DIAPH3: variants seen among roughly 807,000 people sequenced by gnomAD.
DIAPH3 encodes protein diaphanous homolog 3.
A neutral mutation model predicts 144.3 loss-of-function variants in DIAPH3; 117 were observed. That is an observed-to-expected ratio of 0.81 (90% confidence interval 0.70 to 0.95). The LOEUF (loss-of-function observed/expected upper bound fraction) is 0.95. Among genes scored for constraint, DIAPH3 ranks in the 40% least tolerant of loss-of-function variants. DIAPH3 has a pLI of 0.00. For synonymous variants in DIAPH3, 519 were observed against 488.9 expected (o/e 1.06, Z -0.81); for missense variants, 1,421 against 1,412.7 (o/e 1.01, Z -0.09).
intron 27 of DIAPH3, among the ~76,000 whole-genome samples, chr13:59,731,801 G>T (rs1236656658): frequency 5.9e-5 from 9 of 152,144 alleles, no homozygotes; most frequent in Admixed American, 5.9e-4. Context: ...GCTTTTCACA[G>T]CTGAAAAATG....
chr13:59,937,174 A>C (rs2048308222), intron 17 of DIAPH3, among the ~76,000 whole-genome samples: 1 of 152,024 alleles, frequency 6.6e-6, no homozygotes, highest in Non-Finnish European at 1.5e-5. Context: ...AAAAAAAAAA[A>C]ACATAATAAT....
At chr13:59,909,907 C>T (rs1229950827) in intron 20 of DIAPH3, among the ~76,000 whole-genome samples, 5 of 152,158 alleles carry the variant, frequency 3.3e-5, no homozygotes, top group African/African-American at 7.2e-5. Context: ...TAAATCAAAG[C>T]TCTTTGATGT....
At chr13:59,970,098 G>C in intron 16 of DIAPH3, 40 bp from the exon 17 acceptor site, 1 of 1,200,668 alleles carries the variant, frequency 8.3e-7, no homozygotes, top group Non-Finnish European at 1.2e-6. Context: ...ATAGGTGAGT[G>C]TTTCACCTGT....
intron 17 of DIAPH3, among the ~76,000 whole-genome samples, chr13:59,954,107 T>G (rs1277967360): frequency 6.6e-6 from 1 of 152,186 alleles, no homozygotes; most frequent in Non-Finnish European, 1.5e-5. Flanking sequence ...CCCTCCCTCC[T>G]GTTCTCTAAT....
chr13:59,819,527 T>C (rs576277733), intron 24 of DIAPH3, among the ~76,000 whole-genome samples: 2 of 152,024 alleles, frequency 1.3e-5, no homozygotes, highest in African/African-American at 2.4e-5. Flanking sequence ...AGATATCTTA[T>C]TTCTAAAAAA....
chr13:59,842,035 TGTCA>T, intron 22 of DIAPH3, among the ~76,000 whole-genome samples: 1 of 152,100 alleles, frequency 6.6e-6, no homozygotes, highest in Non-Finnish European at 1.5e-5. Flanking sequence ...TCATAACCCC[TGTCA>T]GTAACATTTA....
At chr13:59,915,215 A>G (rs2140254657) in intron 19 of DIAPH3, among the ~76,000 whole-genome samples, 1 of 152,224 alleles carries the variant, frequency 6.6e-6, no homozygotes, top group African/African-American at 2.4e-5. Context: ...AAACAAACTG[A>G]AAGAGAAAAA....
chr13:59,898,719 G>A lies in DIAPH3; in HGVS notation c.2367+13016C>T, dbSNP rs547476401. ...GGCTAACTAGGTTAGTGGACAGAGCGTAATACAGTAAATGAGAAGCCGATG... is the reference window on the plus strand; with the variant it reads ...GGCTAACTAGGTTAGTGGACAGAGCATAATACAGTAAATGAGAAGCCGATG... On this transcript the variant is annotated intron_variant, in intron 20 of 27. Coordinates refer to ENST00000400324, the MANE Select transcript of DIAPH3 (RefSeq NM_001042517.2). Among the ~76,000 whole-genome samples the A allele has an allele frequency of 4.6e-5, 7 of 152,290 alleles. 1 individual carries two copies. Among genetic ancestry groups the A allele is most frequent in the East Asian group, 3.9e-4 (2 of 5,186 alleles).
chr13:59,667,890 G>A (rs770689058), intron 27 of DIAPH3, among the ~76,000 whole-genome samples: 1 of 152,220 alleles, frequency 6.6e-6, no homozygotes, highest in African/African-American at 2.4e-5. Context: ...TGTTTTATGT[G>A]AGTGCTGAAA....
chr13:59,988,459 A>G (rs1030055010), intron 12 of DIAPH3, among the ~76,000 whole-genome samples: 22 of 151,898 alleles, frequency 1.4e-4, no homozygotes, highest in African/African-American at 5.3e-4. Flanking sequence ...AATTTTAGTA[A>G]GTTTTTCCTC....
chr13:59,758,615 A>G (rs1057122632), intron 27 of DIAPH3, among the ~76,000 whole-genome samples: 21 of 152,178 alleles, frequency 1.4e-4, no homozygotes, highest in Admixed American at 1.3e-3. Context: ...TTCCATATGT[A>G]TGTGATTCTA....
Position 60,010,646 on chromosome 13 carries a change from A to C in DIAPH3, c.795T>G (p.Ser265Arg), listed in dbSNP as rs1489183078. The C allele has an allele frequency of 7.4e-6, 12 of 1,613,492 alleles. No homozygotes were observed. The highest frequency in any genetic ancestry group is 5.0e-5 in the Admixed American group (3 of 59,982). Residue 265 changes from serine (S) to arginine (R), a missense_variant, in exon 8 of 28, where the codon AGT (serine) becomes AGG (arginine). By Grantham distance (110) the Ser-to-Arg change is moderately radical (BLOSUM62 -1). Transcript: ENST00000400324. ...NTQYGLERIM[S>R]EERSLSLLAK... ...CCAATAAGGAAAGGCTCCTCTCCTC[A>C]CTCATAATTCTTTCCAAGCCATACT... is the stretch of plus-strand genomic sequence containing the variant.
At chr13:59,786,085 T>C (rs977650957) in intron 25 of DIAPH3, among the ~76,000 whole-genome samples, 2 of 152,262 alleles carry the variant, frequency 1.3e-5, no homozygotes, top group South Asian at 2.1e-4. Context: ...CTCAGCACTA[T>C]AGCCTGGGTG....
intron 27 of DIAPH3, among the ~76,000 whole-genome samples, chr13:59,732,586 C>A (rs993222716): frequency 6.6e-6 from 1 of 151,526 alleles, no homozygotes; most frequent in Non-Finnish European, 1.5e-5. Context: ...GGACTACAGG[C>A]GCACTCCAAC....
chr13:59,815,809 T>C (rs909573814), intron 24 of DIAPH3, among the ~76,000 whole-genome samples: 12 of 152,104 alleles, frequency 7.9e-5, no homozygotes, highest in South Asian at 2.1e-4. Context: ...TTATTTCTGA[T>C]AGTTTTCCTA....
intron 21 of DIAPH3, among the ~76,000 whole-genome samples, chr13:59,866,109 A>G (rs750997737): frequency 2.6e-5 from 4 of 151,984 alleles, no homozygotes; most frequent in Admixed American, 1.3e-4. Flanking sequence ...ATTTTAGAAG[A>G]ATACAACCTG....
intron 2 of DIAPH3, among the ~76,000 whole-genome samples, chr13:60,127,927 C>T (rs1232975993): frequency 6.6e-6 from 1 of 151,810 alleles, no homozygotes; most frequent in Non-Finnish European, 1.5e-5. Context: ...CTTTTAGGTT[C>T]AGAGGTACAT....
chr13:59,748,108 A>C (rs891626284), intron 27 of DIAPH3, among the ~76,000 whole-genome samples: 1 of 152,170 alleles, frequency 6.6e-6, no homozygotes, highest in African/African-American at 2.4e-5. Context: ...CTGCCCCTGG[A>C]ACAACGTTGG....
chr13:59,918,064 G>A (rs1249861516), intron 18 of DIAPH3, among the ~76,000 whole-genome samples: 1 of 151,594 alleles, frequency 6.6e-6, no homozygotes, highest in African/African-American at 2.4e-5. Flanking sequence ...AGCCACATGT[G>A]AAAGAAAATA....
Sources: gnomAD v4.1 joint callset for allele counts (sites outside exome capture counted in the v4.1 genomes callset) on GRCh38, gnomAD v4.1.1 for gene constraint, MANE v1.5 for transcripts, NCBI Gene and HGNC (gene_info 2026-07-23, HGNC 2026-07-21) for gene names.